Variants in MYO16 observed in about 807,000 individuals in gnomAD.
MYO16 encodes myosin XVI.
Under a neutral mutation model 205.3 loss-of-function variants are expected in MYO16, and 94 were observed. That is an observed-to-expected ratio of 0.46 (90% CI 0.39 to 0.54). The LOEUF (loss-of-function observed/expected upper bound fraction) is 0.54. MYO16 is among the 20% of genes least tolerant of loss of function. The pLI, the probability that MYO16 is intolerant of heterozygous loss-of-function variation, is 0.00. For missense variants in MYO16, 2,315 were observed against 2,387.5 expected, an observed-to-expected ratio of 0.97 and a Z score of 0.63; for synonymous variants, 988 against 954.0, an observed-to-expected ratio of 1.04 and a Z score of -0.66.
At chr13:109,062,719 A>G (rs1887631213) in intron 27 of MYO16, among the ~76,000 whole-genome samples, 2 of 152,160 alleles carry the variant, frequency 1.3e-5, no homozygotes, top group Admixed American at 1.3e-4. Flanking sequence ...CTGTTACATC[A>G]AGAAATAGCA....
chr13:108,837,138 G>A (rs1876970253), intron 9 of MYO16, among the ~76,000 whole-genome samples: 1 of 152,148 alleles, frequency 6.6e-6, no homozygotes, highest in Non-Finnish European at 1.5e-5. Context: ...AATGATCAGG[G>A]TGGTTTCCCC....
chr13:109,079,539 C>A (rs951564267), intron 27 of MYO16, among the ~76,000 whole-genome samples: 3 of 152,118 alleles, frequency 2.0e-5, no homozygotes, highest in African/African-American at 7.2e-5. Flanking sequence ...CCATGTGTTA[C>A]CGCTTATAAG....
intron 21 of MYO16, among the ~76,000 whole-genome samples, chr13:108,998,906 A>G (rs1885125175): frequency 1.3e-5 from 2 of 152,196 alleles, no homozygotes; most frequent in African/African-American, 4.8e-5. Context: ...GGCTTCCCCA[A>G]AGGAGAAACA....
At chr13:108,669,842 A>G (rs916554901) in intron 2 of MYO16, among the ~76,000 whole-genome samples, 1 of 152,192 alleles carries the variant, frequency 6.6e-6, no homozygotes, top group African/African-American at 2.4e-5. Flanking sequence ...CAAACACCAC[A>G]TGTTGTCACT....
chr13:109,178,290 C>T (rs769486996), intron 33 of MYO16, among the ~76,000 whole-genome samples: 1 of 151,898 alleles, frequency 6.6e-6, no homozygotes, highest in African/African-American at 2.4e-5. Context: ...AGCAAGAGAC[C>T]CCCCCCACCC....
intron 4 of MYO16, among the ~76,000 whole-genome samples, chr13:108,773,341 G>T (rs942121963): frequency 6.6e-6 from 1 of 152,124 alleles, no homozygotes; most frequent in African/African-American, 2.4e-5. Context: ...AAACTAGATG[G>T]CTTCAAACAA....
At chr13:109,097,998 C>T (rs1438516067) in intron 27 of MYO16, among the ~76,000 whole-genome samples, 1 of 83,720 alleles carries the variant, frequency 1.2e-5, no homozygotes, top group Non-Finnish European at 2.6e-5. Context: ...CTGTCTTGGT[C>T]AGTTCAATCT....
the MYO16 span, among the ~76,000 whole-genome samples, chr13:108,573,129 A>G: frequency 2.0e-5 from 3 of 152,230 alleles, no homozygotes; most frequent in Non-Finnish European, 4.4e-5. Context: ...GAGTCAAAGC[A>G]AATGACACGG....
intron 20 of MYO16, among the ~76,000 whole-genome samples, chr13:108,991,780 G>A (rs1309501292): frequency 1.3e-5 from 2 of 152,182 alleles, no homozygotes; most frequent in Non-Finnish European, 2.9e-5. Flanking sequence ...TTGACATGTA[G>A]GCTCAGTTCC....
At chr13:109,062,974 A>C (rs898458348) in intron 27 of MYO16, among the ~76,000 whole-genome samples, 1 of 152,202 alleles carries the variant, frequency 6.6e-6, no homozygotes, top group Non-Finnish European at 1.5e-5. Context: ...GACTTCATTA[A>C]GTATACAAGA....
At chr13:108,725,270 A>G (rs567498293) in intron 3 of MYO16, among the ~76,000 whole-genome samples, 3 of 152,076 alleles carry the variant, frequency 2.0e-5, no homozygotes, top group Non-Finnish European at 4.4e-5. Flanking sequence ...TCTCTTCTTC[A>G]TTTGTTTCCA....
chr13:109,129,800 G>C (rs991775130), intron 31 of MYO16, among the ~76,000 whole-genome samples: 1 of 152,042 alleles, frequency 6.6e-6, no homozygotes, highest in African/African-American at 2.4e-5. Context: ...CTGCAAACAG[G>C]CTCTAGAAAG....
At chr13:108,781,120 G>A (rs1163785012) in intron 4 of MYO16, among the ~76,000 whole-genome samples, 2 of 152,176 alleles carry the variant, frequency 1.3e-5, no homozygotes, top group African/African-American at 2.4e-5. Context: ...TATCACCTGT[G>A]CCCAGGTGTT....
intron 16 of MYO16, among the ~76,000 whole-genome samples, chr13:108,928,611 C>T (rs142446099): frequency 1.7e-4 from 26 of 152,154 alleles, no homozygotes; most frequent in African/African-American, 5.1e-4. Context: ...AGAATGGAGT[C>T]GTTTGTTAGG....
intron 16 of MYO16, among the ~76,000 whole-genome samples, chr13:108,916,959 A>G (rs1411864813): frequency 2.0e-5 from 3 of 152,194 alleles, no homozygotes; most frequent in Admixed American, 6.5e-5. Flanking sequence ...AGAAAAAAGA[A>G]AAAGGGGGAG....
At chr13:108,759,308 T>C (rs985753471) in intron 4 of MYO16, among the ~76,000 whole-genome samples, 1 of 152,256 alleles carries the variant, frequency 6.6e-6, no homozygotes, top group Admixed American at 6.5e-5. Flanking sequence ...ACGAGAGGAA[T>C]TGCTGTTTTA....
chr13:109,150,647 G>A lies in MYO16; in HGVS notation c.5164+9271G>A, dbSNP rs1051242004. ...ATGCAACAAAGAAGCCTTTACAACC[G>A]GGATGCTCTATAATGCACCGTCAGT... is the stretch of plus-strand genomic sequence containing the variant. On this transcript the variant is annotated intron_variant, in intron 32 of 34. Transcript: ENST00000457511. Among the ~76,000 whole-genome samples the A allele has an allele frequency of 3.9e-5, 6 of 152,118 alleles. No homozygotes were observed. In the East Asian group the frequency reaches 7.7e-4, roughly 20 times the overall value.
At chr13:108,647,879 AATACATTAGCAGATGAATGAATGATTGG>A (rs1185199400) in intron 1 of MYO16, among the ~76,000 whole-genome samples, 2 of 152,244 alleles carry the variant, frequency 1.3e-5, no homozygotes, top group Admixed American at 1.3e-4. Flanking sequence ...TGAATGATTG[AATACATTAGCAGATGAATGAATGATTGG>A]ATACATTAGC....
intron 6 of MYO16, among the ~76,000 whole-genome samples, chr13:108,806,256 C>T (rs573023283): frequency 1.3e-5 from 2 of 152,318 alleles, no homozygotes; most frequent in South Asian, 4.1e-4. Flanking sequence ...GACCACATTT[C>T]CTGCTTTTAG....
Sources: allele counts gnomAD v4.1 joint callset (sites outside exome capture counted in the v4.1 genomes callset), GRCh38; gene constraint gnomAD v4.1.1; transcripts MANE v1.5; gene names NCBI Gene and HGNC (gene_info 2026-07-23, HGNC 2026-07-21).